PLEKHH2: variants seen among roughly 807,000 people sequenced by gnomAD.
PLEKHH2 encodes the protein pleckstrin homology domain-containing family H member 2.
A neutral mutation model predicts 187.9 loss-of-function variants in PLEKHH2; 129 were observed. The ratio of observed to expected loss-of-function variants is 0.69; its 90% CI spans 0.59 to 0.79. PLEKHH2 has a LOEUF of 0.79. Among genes scored for constraint, PLEKHH2 ranks in the 30% least tolerant of loss-of-function variants. The pLI, the probability that PLEKHH2 is intolerant of heterozygous loss-of-function variation, is 0.00. For missense variants in PLEKHH2, 2,076 were observed against 1,751.2 expected (o/e 1.19, Z -3.31); for synonymous variants, 686 against 605.6 (o/e 1.13, Z -1.95).
intron 2 of PLEKHH2, among the ~76,000 whole-genome samples, chr2:43,647,218 A>G (rs1372965905): frequency 6.6e-6 from 1 of 152,212 alleles, no homozygotes; most frequent in Non-Finnish European, 1.5e-5. Context: ...TTACTATGCC[A>G]AGAAATCTTC....
intron 20 of PLEKHH2, among the ~76,000 whole-genome samples, chr2:43,739,374 G>C (rs145653661): frequency 1.2e-4 from 18 of 152,314 alleles, no homozygotes; most frequent in African/African-American, 4.3e-4. Flanking sequence ...GTGTTTGGTA[G>C]TCATCTGTGT....
chr2:43,704,387 C>T (rs761632273), intron 9 of PLEKHH2, among the ~76,000 whole-genome samples: 3 of 152,072 alleles, frequency 2.0e-5, no homozygotes, highest in Admixed American at 1.3e-4. Flanking sequence ...ATGGGCCGGG[C>T]ACGGTGGCTC....
intron 6 of PLEKHH2, 45 bp from the exon 7 acceptor site, chr2:43,697,125 CT>C: frequency 6.8e-7 from 1 of 1,460,852 alleles, no homozygotes; most frequent in Non-Finnish European, 9.2e-7. Flanking sequence ...GTTTAACAAA[CT>C]TCTATAAAAA....
chr2:43,700,319 C>T lies in PLEKHH2; in HGVS notation c.1361C>T (p.Ala454Val). 6.2e-7 allele frequency: 1 copy of T among 1,614,002 alleles called. No individual in the cohort carries two copies. The highest frequency in any genetic ancestry group is 8.5e-7 in the Non-Finnish European group (1 of 1,179,972). Reference sequence around the variant, plus strand: ...GTTTTCAGTATAAGTGTAGCACTAGCCAAAAGGCACTTAAGCCAGCCACAG... The same window carrying T: ...GTTTTCAGTATAAGTGTAGCACTAGTCAAAAGGCACTTAAGCCAGCCACAG... ...PNVFSISVAL[A>V]KRHLSQPQLS... The change falls in exon 8 of 30, where the codon GCC (alanine) becomes GTC (valine). Residue 454 changes from alanine (A) to valine (V), a missense_variant. Physicochemically the swap from Ala to Val is moderately conservative, Grantham distance 64. Transcript: ENST00000282406.
chr2:43,734,192 A>G (rs559544642), intron 19 of PLEKHH2, among the ~76,000 whole-genome samples: 17 of 152,312 alleles, frequency 1.1e-4, no homozygotes, highest in Middle Eastern at 3.4e-3. Context: ...TCATCAACAC[A>G]TGGCCAATTT....
At chr2:43,733,224 G>A (rs1671130087) in intron 19 of PLEKHH2, among the ~76,000 whole-genome samples, 1 of 152,010 alleles carries the variant, frequency 6.6e-6, no homozygotes, top group African/African-American at 2.4e-5. Context: ...TTAGCCGAGT[G>A]TGATGGCATG....
chr2:43,755,730 G>A (rs186465243), intron 25 of PLEKHH2, among the ~76,000 whole-genome samples: 14 of 152,210 alleles, frequency 9.2e-5, no homozygotes, highest in African/African-American at 2.2e-4. Flanking sequence ...GATTGATGCC[G>A]GCTGTTTGTG....
At chr2:43,738,622 AGTGC>A in intron 20 of PLEKHH2, 102 bp downstream of exon 20, 1 of 1,178,960 alleles carries the variant, frequency 8.5e-7, no homozygotes, top group Non-Finnish European at 1.2e-6. Context: ...GAATACAAAA[AGTGC>A]AGAAGGAAAA....
chr2:43,658,973 C>CTTTTTTT (rs34486426), intron 2 of PLEKHH2: 2 of 122,802 alleles, frequency 1.6e-5, no homozygotes, highest in African/African-American at 6.3e-5. Flanking sequence ...TTTTTTCTTT[C>CTTTTTTT]TTTTTTTTTT....
intron 1 of PLEKHH2, among the ~76,000 whole-genome samples, chr2:43,641,761 C>G (rs1436690093): frequency 6.6e-6 from 1 of 152,158 alleles, no homozygotes; most frequent in Non-Finnish European, 1.5e-5. Context: ...ATTCTTTCCC[C>G]CATTGGATGA....
chr2:43,692,062 T>A (rs1320004189), intron 3 of PLEKHH2, among the ~76,000 whole-genome samples: 1 of 152,178 alleles, frequency 6.6e-6, no homozygotes, highest in Non-Finnish European at 1.5e-5. Context: ...CCCTTTCCAT[T>A]GTGTATATGT....
chr2:43,641,338 C>T (rs1168816486), intron 1 of PLEKHH2, among the ~76,000 whole-genome samples: 2 of 152,082 alleles, frequency 1.3e-5, no homozygotes, highest in Admixed American at 6.5e-5. Context: ...GAATCTGTTG[C>T]CTAATCCAAG....
intron 7 of PLEKHH2, among the ~76,000 whole-genome samples, chr2:43,698,961 A>G (rs1182439593): frequency 1.3e-5 from 2 of 152,178 alleles, no homozygotes; most frequent in Non-Finnish European, 2.9e-5. Context: ...TATTTTCTTC[A>G]TGATTTTGCA....
chr2:43,763,270 A>C (rs1672498880), intron 28 of PLEKHH2, among the ~76,000 whole-genome samples: 1 of 152,198 alleles, frequency 6.6e-6, no homozygotes, highest in Admixed American at 6.5e-5. Context: ...AGCTCCCAGG[A>C]GGTAGCCAGA....
intron 16 of PLEKHH2, among the ~76,000 whole-genome samples, chr2:43,721,392 T>C (rs1180746060): frequency 6.6e-6 from 1 of 152,186 alleles, no homozygotes; most frequent in Non-Finnish European, 1.5e-5. Flanking sequence ...TGATGACTGC[T>C]CCTCTGAAGA....
intron 2 of PLEKHH2, among the ~76,000 whole-genome samples, chr2:43,678,169 G>T (rs1667957255): frequency 2.0e-5 from 3 of 151,580 alleles, no homozygotes; most frequent in Admixed American, 1.3e-4. Context: ...GGGCAGAGAG[G>T]CTCCTCACTT....
intron 13 of PLEKHH2, 23 bp from the exon 14 acceptor site, chr2:43,710,466 A>G (rs779395381): frequency 5.0e-6 from 8 of 1,590,260 alleles, no homozygotes; most frequent in Non-Finnish European, 6.8e-6. Flanking sequence ...ATCACTTTCC[A>G]TTTGTTTTTC....
intron 14 of PLEKHH2, chr2:43,711,157 A>G (rs1184848082): frequency 1.4e-5 from 14 of 985,590 alleles, no homozygotes; most frequent in Non-Finnish European, 1.7e-5. Context: ...ATATTCTAGT[A>G]TATGTAATTT....
chr2:43,658,945 T>A (rs1460070365), intron 2 of PLEKHH2: 4 of 151,532 alleles, frequency 2.6e-5, no homozygotes, highest in African/African-American at 4.9e-5. Flanking sequence ...ACTATGTATT[T>A]CTAAATTTTT....
Sources: allele counts gnomAD v4.1 joint callset (sites outside exome capture counted in the v4.1 genomes callset), GRCh38; gene constraint gnomAD v4.1.1; transcripts MANE v1.5; gene names NCBI Gene and HGNC (gene_info 2026-07-23, HGNC 2026-07-21).